The following ZFYVE1 variants were observed in gnomAD, a reference collection of about 807,000 sequenced individuals.
ZFYVE1 encodes zinc finger FYVE-type containing 1, also known as zinc finger FYVE domain-containing protein 1.
Under a neutral mutation model 74.4 loss-of-function variants are expected in ZFYVE1, and 30 were observed. That is an observed-to-expected ratio of 0.40 (90% CI 0.30 to 0.55). ZFYVE1 has a LOEUF of 0.55. Among genes scored for constraint, ZFYVE1 ranks in the 20% least tolerant of loss-of-function variants. ZFYVE1 has a pLI of 0.42. For missense variants in ZFYVE1, 703 were observed against 1,011.6 expected, an observed-to-expected ratio of 0.69 and a Z score of 4.14; for synonymous variants, 335 against 385.1, an observed-to-expected ratio of 0.87 and a Z score of 1.52.
intron 2 of ZFYVE1, among the ~76,000 whole-genome samples, chr14:73,008,842 A>G (rs1461796180): frequency 6.6e-6 from 1 of 152,256 alleles, no homozygotes; most frequent in Non-Finnish European, 1.5e-5. Context: ...AGGACTTAAC[A>G]GTAAAAGCTA....
At position 72,975,578 on chromosome 14, in the gene ZFYVE1, G is replaced by C. The variant is rs1306828018; in HGVS notation, c.1779C>G (p.Ala593=). ...TSWLTDQIAP[A]YWRPNSQILS... Reference sequence around the variant, plus strand: ...GAATCTGGGAGTTGGGCCTCCAGTAGGCAGGGGCGATCTGGTCTGTCAGCC... The same window carrying C: ...GAATCTGGGAGTTGGGCCTCCAGTACGCAGGGGCGATCTGGTCTGTCAGCC... Residue 593 remains alanine (A), a synonymous_variant, in exon 9 of 12, where the codon GCC becomes GCG. Coordinates refer to ENST00000556143, the MANE Select transcript of ZFYVE1 (RefSeq NM_021260.4). This position sits in a 1 kb window ranked among gnomAD's most constrained non-coding sequence, Gnocchi z 4.1. 6.2e-7 allele frequency: 1 copy of C among 1,613,822 alleles called. No homozygotes were observed. Among genetic ancestry groups the C allele is most frequent in the African/African-American group, 1.3e-5 (1 of 74,910 alleles).
At chr14:72,981,587 C>T (rs755153636) in intron 5 of ZFYVE1, among the ~76,000 whole-genome samples, 8 of 152,172 alleles carry the variant, frequency 5.3e-5, no homozygotes, top group Non-Finnish European at 1.0e-4. Flanking sequence ...CCTTCAAGCT[C>T]TTGCTACCTC....
chr14:73,012,250 A>G (rs890346966), intron 2 of ZFYVE1, among the ~76,000 whole-genome samples: 1 of 152,090 alleles, frequency 6.6e-6, no homozygotes, highest in African/African-American at 2.4e-5. Context: ...AGACATAAGG[A>G]AAAAAATTAT....
At chr14:73,006,033 T>C (rs962524343) in intron 2 of ZFYVE1, among the ~76,000 whole-genome samples, 8 of 152,162 alleles carry the variant, frequency 5.3e-5, no homozygotes, top group Non-Finnish European at 1.2e-4. Context: ...GCCATTCTCC[T>C]GCCTCAGCCT....
chr14:73,018,815 G>T (rs1022648872), intron 2 of ZFYVE1, among the ~76,000 whole-genome samples: 2 of 151,788 alleles, frequency 1.3e-5, no homozygotes, highest in African/African-American at 2.4e-5. Context: ...GTGGTGGCGC[G>T]CACCTGTAAT....
chr14:73,018,580 C>T (rs1894248839), intron 2 of ZFYVE1, among the ~76,000 whole-genome samples: 1 of 152,084 alleles, frequency 6.6e-6, no homozygotes, highest in Admixed American at 6.6e-5. Context: ...TCTGCTTTCC[C>T]CACTTGAATA....
intron 4 of ZFYVE1, among the ~76,000 whole-genome samples, chr14:72,988,762 G>C (rs1893541697): frequency 6.9e-6 from 1 of 144,684 alleles, no homozygotes; most frequent in African/African-American, 2.6e-5. Flanking sequence ...AGCCAAGTTT[G>C]CATCACTGTA....
intron 1 of ZFYVE1, among the ~76,000 whole-genome samples, chr14:73,025,315 C>A (rs979483835): frequency 2.6e-5 from 4 of 151,818 alleles, no homozygotes; most frequent in Non-Finnish European, 5.9e-5. Context: ...GTGATCTGCC[C>A]GCCTTGGCCT....
In ZFYVE1 at chr14:72,970,878, G is replaced by T; in HGVS notation, c.*4C>A. The T allele has an allele frequency of 6.2e-7, 1 of 1,613,780 alleles. No homozygotes were observed. Among genetic ancestry groups the T allele is most frequent in the African/African-American group, 1.3e-5 (1 of 75,056 alleles). ...TTGTGAAGGACTCGGAGAGGGGGCTGGGGTTAAAGGTCACCGGGCTTTTTA... is the reference window on the plus strand; with the variant it reads ...TTGTGAAGGACTCGGAGAGGGGGCTTGGGTTAAAGGTCACCGGGCTTTTTA... On this transcript the variant is annotated 3_prime_UTR_variant, in exon 12 of 12. Transcript: ENST00000556143.
intron 2 of ZFYVE1, among the ~76,000 whole-genome samples, chr14:72,998,724 G>A (rs1006881584): frequency 6.6e-6 from 1 of 151,970 alleles, no homozygotes; most frequent in Admixed American, 6.6e-5. Context: ...GGTGGTTCAC[G>A]CATGTAACAG....
rs772570394 is a variant in ZFYVE1 at position 72,998,098 on chromosome 14, A to T, written c.701T>A (p.Ile234Asn). The part of the protein sequence containing the change: ...AYDPVHKVAV[I>N]DTEGLLGATV... ...GGCCCCCAGGAGCCCTTCCGTATCG[A>T]TCACTGCTACTTTGTGAACTGGGTC... The change falls in exon 3 of 12, where the codon ATC (isoleucine) becomes AAC (asparagine). Residue 234 changes from isoleucine (I) to asparagine (N), a missense_variant. Ile to Asn is a moderately radical substitution (Grantham distance 149). Transcript: ENST00000556143. 1 of 1,614,122 alleles carries T rather than the reference A, an allele frequency of 6.2e-7. No individual in the cohort carries two copies. Among genetic ancestry groups the T allele is most frequent in the Non-Finnish European group, 8.5e-7 (1 of 1,180,024 alleles).
chr14:73,024,652 G>C lies in ZFYVE1; in HGVS notation c.-144C>G, dbSNP rs1413265333. Reference sequence around the variant, plus strand: ...TAAAAAAGAACACCTTTCATGTCCTGTTATAGTTCTTCACAAACAAATGTT... The same window carrying C: ...TAAAAAAGAACACCTTTCATGTCCTCTTATAGTTCTTCACAAACAAATGTT... On this transcript the variant is annotated 5_prime_UTR_variant, in exon 2 of 12. Coordinates refer to ENST00000556143, the MANE Select transcript of ZFYVE1 (RefSeq NM_021260.4). 8.4e-7 allele frequency: 1 copy of C among 1,192,356 alleles called. No individual in the cohort carries two copies. Among genetic ancestry groups the C allele is most frequent in the Admixed American group, 3.2e-5 (1 of 31,190 alleles). 73.9% of individuals were successfully genotyped at this position (1,192,356 alleles called of 1,614,324 possible). A position where few individuals can be genotyped will look rare whatever the true frequency, so the allele number is the denominator to read the frequency against.
chr14:72,983,680 G>C (rs1009579477), intron 4 of ZFYVE1, among the ~76,000 whole-genome samples: 1 of 152,060 alleles, frequency 6.6e-6, no homozygotes, highest in South Asian at 2.1e-4. Flanking sequence ...ATGTGTCTTT[G>C]TAGCAGCATG....
At chr14:72,991,095 T>C (rs1489575109) in intron 4 of ZFYVE1, among the ~76,000 whole-genome samples, 1 of 151,962 alleles carries the variant, frequency 6.6e-6, no homozygotes, top group Non-Finnish European at 1.5e-5. Flanking sequence ...CAGTAATAAA[T>C]TGGCCTGAGG....
chr14:72,982,085 A>G (rs1893348557), intron 4 of ZFYVE1, among the ~76,000 whole-genome samples, 190 bp from the exon 5 acceptor site: 1 of 152,204 alleles, frequency 6.6e-6, no homozygotes, highest in African/African-American at 2.4e-5. Context: ...GAACCAGCCC[A>G]TTCCCCAAGA....
In ZFYVE1 at chr14:73,024,624, C is replaced by T. The variant is rs115098670; in HGVS notation, c.-116G>A. ...CGAAACTTCCACAGGGTTCTGAACA[C>T]TTTAAAAAAGAACACCTTTCATGTC... On this transcript the variant is annotated 5_prime_UTR_variant, in exon 2 of 12. The change creates a new upstream start codon in the 5' untranslated region. Coordinates refer to ENST00000556143, the MANE Select transcript of ZFYVE1 (RefSeq NM_021260.4). The T allele has an allele frequency of 7.1e-7, 1 of 1,405,516 alleles. No homozygotes were observed. Among genetic ancestry groups the T allele is most frequent in the Non-Finnish European group, 9.4e-7 (1 of 1,061,850 alleles). The allele number at this position is 1,405,516 out of a possible 1,614,324, so 87.1% of individuals were successfully genotyped here. A position where few individuals can be genotyped will look rare whatever the true frequency, so the allele number is the denominator to read the frequency against.
At chr14:73,015,282 A>G (rs868312914) in intron 2 of ZFYVE1, among the ~76,000 whole-genome samples, 3 of 71,952 alleles carry the variant, frequency 4.2e-5, no homozygotes, top group African/African-American at 1.6e-4. Flanking sequence ...GGAAGGAAGG[A>G]AGGAAGGAAG....
In ZFYVE1 at chr14:73,024,113, T is replaced by C. The variant is rs752780640; in HGVS notation, c.396A>G (p.Ala132=). The C allele has an allele frequency of 6.2e-7, 1 of 1,614,222 alleles. No homozygotes were observed. Among genetic ancestry groups the C allele is most frequent in the South Asian group, 1.1e-5 (1 of 91,084 alleles). Residue 132 remains alanine (A), a synonymous_variant, in exon 2 of 12, where the codon GCA becomes GCG. Transcript: ENST00000556143. ...NVSNLQESLE[A]EEMDEETKRK... ...TCTTGGTCTCCTCATCCATCTCTTC[T>C]GCCTCCAGTGACTCCTGGAGATTAC...
At chr14:72,986,540 T>C (rs61986504) in intron 4 of ZFYVE1, among the ~76,000 whole-genome samples, 18,539 of 149,596 alleles carry the variant, frequency 0.12, 1,510 homozygotes, top group East Asian at 0.2. Flanking sequence ...GAAACTCCTC[T>C]TTTAGAATCT....
Sources: gnomAD v4.1 joint callset for allele counts (sites outside exome capture counted in the v4.1 genomes callset) on GRCh38, gnomAD v4.1.1 for gene constraint, Gnocchi (gnomAD v3.1) non-coding constraint, MANE v1.5 for transcripts, NCBI Gene and HGNC (gene_info 2026-07-23, HGNC 2026-07-21) for gene names.